Variants in CAMTA1 observed in about 807,000 individuals in gnomAD.
The protein encoded by CAMTA1 is calmodulin binding transcription activator 1.
In CAMTA1, 27 loss-of-function variants were observed where a neutral mutation model predicts 170.9. The ratio of observed to expected loss-of-function variants is 0.16; its 90% CI spans 0.12 to 0.22. The LOEUF (loss-of-function observed/expected upper bound fraction) is 0.22, where lower values mean the gene tolerates loss of function less well. Among genes scored for constraint, CAMTA1 ranks in the 10% least tolerant of loss-of-function variants. The probability of loss-of-function intolerance (pLI) is 1.00; values close to 1 mark genes in which losing one functional copy is unlikely to be tolerated. For missense variants in CAMTA1, 1,619 were observed against 2,217.2 expected (o/e 0.73, Z 5.42); for synonymous variants, 833 against 891.5 (o/e 0.93, Z 1.17).
At chr1:7,320,171 C>A (rs957270026) in intron 5 of CAMTA1, among the ~76,000 whole-genome samples, 1 of 152,186 alleles carries the variant, frequency 6.6e-6, no homozygotes, top group Non-Finnish European at 1.5e-5. Flanking sequence ...TGTAGGCATT[C>A]TTGTCTTGCT....
rs373681342 is a variant in CAMTA1, at chr1:7,594,117, G to GAGAAAGAA, written c.511-46266_511-46259dup. Among the ~76,000 whole-genome samples, 409 of 130,778 alleles carry GAGAAAGAA rather than the reference G, an allele frequency of 3.1e-3. 12 individuals are homozygous for GAGAAAGAA. Among genetic ancestry groups the GAGAAAGAA allele is most frequent in the African/African-American group, 0.014 (386 of 28,418 alleles). 85.8% of individuals were successfully genotyped at this position (130,778 alleles called of 152,430 possible). A position where few individuals can be genotyped will look rare whatever the true frequency, so the allele number is the denominator to read the frequency against. The stretch of plus-strand genomic sequence containing the variant: ...AGAGGAAAGAAGAAAGAAAGAAAGA[G>GAGAAAGAA]AGAAAGAAAGAAAGAAAGAAAGAAG... On this transcript the variant is annotated intron_variant, in intron 6 of 22. Transcript: ENST00000303635.
At chr1:7,268,649 G>A (rs1669263996) in intron 5 of CAMTA1, among the ~76,000 whole-genome samples, 1 of 152,122 alleles carries the variant, frequency 6.6e-6, no homozygotes, top group Admixed American at 6.6e-5. Flanking sequence ...ATCAAAATGA[G>A]CAAGCTGATC....
intron 6 of CAMTA1, among the ~76,000 whole-genome samples, chr1:7,576,463 C>T (rs2095194675): frequency 6.6e-6 from 1 of 152,114 alleles, no homozygotes; most frequent in Non-Finnish European, 1.5e-5. Flanking sequence ...CCTTATAAAA[C>T]CTTATAAAAG....
At chr1:7,667,118 G>A (rs2096008230) in intron 9 of CAMTA1, among the ~76,000 whole-genome samples, 1 of 151,968 alleles carries the variant, frequency 6.6e-6, no homozygotes, top group Non-Finnish European at 1.5e-5. Flanking sequence ...TGACCTCCTG[G>A]CCTCCAGTGA....
At position 7,064,072 on chromosome 1, in the gene CAMTA1, C is replaced by T. The variant is rs1708632757; in HGVS notation, c.235-27232C>T. 6.6e-6 allele frequency among the ~76,000 whole-genome samples: 1 copy of T among 150,746 alleles called. No homozygotes were observed. Among genetic ancestry groups the T allele is most frequent in the East Asian group, 2.0e-4 (1 of 5,074 alleles). ...TGGGAGCCTTTGCCTTCACCTTCTC[C>T]TCCTCCTCCTCCTCCTTCTTCTCCT... On this transcript the variant is annotated intron_variant, in intron 3 of 22. Coordinates refer to ENST00000303635, the MANE Select transcript of CAMTA1 (RefSeq NM_015215.4). The surrounding 1 kb of genome is among the most constrained non-coding windows in gnomAD (Gnocchi z 5.4).
At chr1:7,632,267 T>G (rs1226930280) in intron 6 of CAMTA1, among the ~76,000 whole-genome samples, 1 of 152,176 alleles carries the variant, frequency 6.6e-6, no homozygotes, top group Non-Finnish European at 1.5e-5. Context: ...TCCTCGCCCG[T>G]CTCCCTCCTA....
intron 1 of CAMTA1, among the ~76,000 whole-genome samples, chr1:6,800,868 C>T (rs1453482097): frequency 6.6e-6 from 1 of 152,178 alleles, no homozygotes. Context: ...TTTAAAGATA[C>T]TGAGAGGCAA....
At chr1:7,312,548 A>G (rs1181988159) in intron 5 of CAMTA1, among the ~76,000 whole-genome samples, 2 of 152,014 alleles carry the variant, frequency 1.3e-5, no homozygotes, top group Admixed American at 6.6e-5. Flanking sequence ...GTACCTTTCA[A>G]TGTCCTCAGA....
chr1:7,586,509 C>G (rs1329702002), intron 6 of CAMTA1, among the ~76,000 whole-genome samples: 1 of 152,108 alleles, frequency 6.6e-6, no homozygotes, highest in African/African-American at 2.4e-5. Flanking sequence ...GTGACTTGGG[C>G]GCCCAGGCCA....
chr1:6,894,200 G>A (rs929932654), intron 3 of CAMTA1, among the ~76,000 whole-genome samples: 9 of 152,248 alleles, frequency 5.9e-5, no homozygotes, highest in Non-Finnish European at 2.9e-5. Context: ...TAGGCATTTG[G>A]AGTAGGTTTT....
At chr1:6,901,717 G>A (rs1251436578) in intron 3 of CAMTA1, among the ~76,000 whole-genome samples, 1 of 152,058 alleles carries the variant, frequency 6.6e-6, no homozygotes, top group African/African-American at 2.4e-5. Flanking sequence ...AAAAGACCCT[G>A]GTAATACCAA....
At chr1:7,026,855 C>T (rs1702092113) in intron 3 of CAMTA1, among the ~76,000 whole-genome samples, 1 of 152,050 alleles carries the variant, frequency 6.6e-6, no homozygotes, top group African/African-American at 2.4e-5. Flanking sequence ...GTCTCGATCC[C>T]CTGACCTCAT....
chr1:7,071,460 A>G (rs187218593), intron 3 of CAMTA1, among the ~76,000 whole-genome samples: 3 of 152,258 alleles, frequency 2.0e-5, no homozygotes, highest in Non-Finnish European at 2.9e-5. Flanking sequence ...TGTGTTTTTA[A>G]TTATTATTTT....
Position 7,244,388 on chromosome 1 carries a change from T to A in CAMTA1, c.303-5103T>A, listed in dbSNP as rs565126314. ...CCATTTGACCTAGCCATCCCATTACTGGGCATATACCCAAAGGATTATAAA... is the reference window on the plus strand; with the variant it reads ...CCATTTGACCTAGCCATCCCATTACAGGGCATATACCCAAAGGATTATAAA... On this transcript the variant is annotated intron_variant, in intron 4 of 22. Coordinates refer to ENST00000303635, the MANE Select transcript of CAMTA1 (RefSeq NM_015215.4). Among the ~76,000 whole-genome samples, 35 of 152,366 alleles carry A rather than the reference T, an allele frequency of 2.3e-4. No homozygotes were observed. The South Asian group carries it at 7.1e-3, about 31-fold the overall frequency.
At chr1:6,881,887 A>C (rs1460852226) in intron 3 of CAMTA1, among the ~76,000 whole-genome samples, 1 of 152,116 alleles carries the variant, frequency 6.6e-6, no homozygotes, top group East Asian at 1.9e-4. Context: ...GAATTGCTTG[A>C]ATCTGGGAGG....
intron 5 of CAMTA1, among the ~76,000 whole-genome samples, chr1:7,408,237 A>G (rs1029597015): frequency 1.3e-5 from 2 of 152,232 alleles, no homozygotes; most frequent in African/African-American, 4.8e-5. Context: ...CGGGGCAGAC[A>G]GAGACTCCTG....
rs969596485 is a variant in CAMTA1 at position 7,113,960 on chromosome 1, T to A, written c.302+22589T>A. Among the ~76,000 whole-genome samples the A allele has an allele frequency of 1.1e-4, 16 of 152,186 alleles. No individual in the cohort carries two copies. Among genetic ancestry groups the A allele is most frequent in the African/African-American group, 3.9e-4 (16 of 41,446 alleles). On this transcript the variant is annotated intron_variant, in intron 4 of 22. Transcript: ENST00000303635. The surrounding 1 kb of genome is among the most constrained non-coding windows in gnomAD (Gnocchi z 4.5). ...TTTACATCATCGGCAAGCCACTGTT[T>A]CGGATTCTTCAGGGCTGGCCTTCCC...
intron 6 of CAMTA1, among the ~76,000 whole-genome samples, chr1:7,492,809 G>A (rs1199955137): frequency 2.1e-5 from 2 of 93,530 alleles, no homozygotes; most frequent in African/African-American, 1.2e-4. Context: ...GTATACACAT[G>A]CGCGCACAGA....
At chr1:7,714,494 G>A (rs1282283587) in intron 11 of CAMTA1, among the ~76,000 whole-genome samples, 1 of 151,666 alleles carries the variant, frequency 6.6e-6, no homozygotes, top group Non-Finnish European at 1.5e-5. Flanking sequence ...TGCTTTTGTC[G>A]CAAGGATGTT....
Sources: allele counts gnomAD v4.1 joint callset (sites outside exome capture counted in the v4.1 genomes callset), GRCh38; gene constraint gnomAD v4.1.1; non-coding constraint Gnocchi (gnomAD v3.1); transcripts MANE v1.5; gene names NCBI Gene and HGNC (gene_info 2026-07-23, HGNC 2026-07-21).